Variants in KCNJ14 observed in about 807,000 individuals in gnomAD.
KCNJ14 encodes potassium inwardly rectifying channel subfamily J member 14.
KCNJ14 carries 18 observed loss-of-function variants against 24.5 expected under a neutral mutation model. The ratio of observed to expected loss-of-function variants is 0.74; its 90% confidence interval spans 0.51 to 1.09. KCNJ14 has a LOEUF of 1.09. Among genes scored for constraint, KCNJ14 ranks in the 50% least tolerant of loss-of-function variants. The probability of loss-of-function intolerance (pLI) is 0.00; values close to 1 mark genes in which losing one functional copy is unlikely to be tolerated. For synonymous variants in KCNJ14, 288 were observed against 270.8 expected (o/e 1.06, Z -0.63); for missense variants, 633 against 623.0 (o/e 1.02, Z -0.17).
chr19:48,463,807 T>C (rs932586981), intron 2 of KCNJ14, among the ~76,000 whole-genome samples: 3 of 152,182 alleles, frequency 2.0e-5, no homozygotes, highest in African/African-American at 7.2e-5. Flanking sequence ...TTTCTGTGTC[T>C]CTATGCCAAT....
At position 48,464,364 on chromosome 19, in the gene KCNJ14, G is replaced by A; in HGVS notation, c.898G>A (p.Val300Met). The change falls in exon 3 of 3, where the codon GTG (valine) becomes ATG (methionine). Residue 300 changes from valine (V) to methionine (M), a missense_variant. By Grantham distance (21) the Val-to-Met change is conservative (BLOSUM62 1). Transcript: ENST00000342291. ...AELARADFEL[V>M]VILEGMVEAT... ...GCTGGCCAGGGCTGACTTTGAGCTGGTGGTCATTCTCGAGGGGATGGTTGA... is the reference window on the plus strand; with the variant it reads ...GCTGGCCAGGGCTGACTTTGAGCTGATGGTCATTCTCGAGGGGATGGTTGA... 4.3e-6 allele frequency: 7 copies of A among 1,613,208 alleles called. No homozygotes were observed. The highest frequency in any genetic ancestry group is 5.1e-6 in the Non-Finnish European group (6 of 1,179,620).
In KCNJ14 at chr19:48,462,465, T is replaced by G; in HGVS notation, c.714+27T>G. On this transcript the variant is annotated intron_variant, in intron 2 of 2. Coordinates refer to ENST00000342291, the MANE Select transcript of KCNJ14 (RefSeq NM_013348.4). The surrounding 1 kb of genome is among the most constrained non-coding windows in gnomAD (Gnocchi z 4.9). ...TGCGCCCGGGAGGAGAGGCGGGGAC[T>G]TCCGTGAGCCCTGGGGGATTGTGGG... The G allele has an allele frequency of 2.8e-6, 4 of 1,433,194 alleles. No individual in the cohort carries two copies. The highest frequency in any genetic ancestry group is 3.7e-6 in the Non-Finnish European group (4 of 1,084,182). 88.8% of individuals were successfully genotyped at this position (1,433,194 alleles called of 1,614,324 possible). A position where few individuals can be genotyped will look rare whatever the true frequency, so the allele number is the denominator to read the frequency against.
intron 1 of KCNJ14, among the ~76,000 whole-genome samples, chr19:48,461,019 A>G (rs879718620): frequency 2.0e-5 from 3 of 151,680 alleles, no homozygotes; most frequent in Non-Finnish European, 4.4e-5. Context: ...TAAAAAAAAA[A>G]TTTAAAAAAG....
intron 1 of KCNJ14, among the ~76,000 whole-genome samples, chr19:48,460,643 T>C (rs1202691806): frequency 2.6e-5 from 4 of 152,200 alleles, no homozygotes; most frequent in African/African-American, 9.7e-5. Flanking sequence ...GGTTCAAATA[T>C]GTAAATTCAT....
chr19:48,461,009 T>TA lies in KCNJ14; in HGVS notation c.-55-651dup, dbSNP rs113573784. Among the ~76,000 whole-genome samples the TA allele has an allele frequency of 2.0e-4, 29 of 148,598 alleles. 1 individual carries two copies. The South Asian group carries it at 2.5e-3, about 13-fold the overall frequency. ...TGTCTCTATAATATAAAAATTAAAT[T>TA]AAAAAAAAAATTTAAAAAAGAAGGT... On this transcript the variant is annotated intron_variant, in intron 1 of 2. Transcript: ENST00000342291.
chr19:48,462,290 C>T lies in KCNJ14; in HGVS notation c.566C>T (p.Ala189Val). ...FVVGAVMAKM[A>V]KPKKRNETLV... The stretch of plus-strand genomic sequence containing the variant: ...GTGGGTGCTGTCATGGCCAAGATGG[C>T]CAAACCCAAGAAGCGCAACGAGACG... The change falls in exon 2 of 3, where the codon GCC becomes GTC. Residue 189 changes from alanine (A) to valine (V), a missense_variant. By Grantham distance (64) the Ala-to-Val change is moderately conservative (BLOSUM62 0). Transcript: ENST00000342291. This position sits in a 1 kb window ranked among gnomAD's most constrained non-coding sequence, Gnocchi z 4.9. 1 of 1,548,184 alleles carries T rather than the reference C, an allele frequency of 6.5e-7. No individual in the cohort carries two copies. Among genetic ancestry groups the T allele is most frequent in the African/African-American group, 1.4e-5 (1 of 73,232 alleles).
rs1445054717 is a variant in KCNJ14 at position 48,462,262 on chromosome 19, G to C, written c.538G>C (p.Val180Leu). 6.5e-7 allele frequency: 1 copy of C among 1,547,564 alleles called. No individual in the cohort carries two copies. The highest frequency in any genetic ancestry group is 8.7e-7 in the Non-Finnish European group (1 of 1,144,486). The change falls in exon 2 of 3, where the codon GTC becomes CTC. Residue 180 changes from valine (V) to leucine (L), a missense_variant. By Grantham distance (32) the Val-to-Leu change is conservative. Coordinates refer to ENST00000342291, the MANE Select transcript of KCNJ14 (RefSeq NM_013348.4). This position sits in a 1 kb window ranked among gnomAD's most constrained non-coding sequence, Gnocchi z 4.9. ...TGCCGGCTGCGTGCTCGACGCCTTCGTCGTGGGTGCTGTCATGGCCAAGAT... is the reference window on the plus strand; with the variant it reads ...TGCCGGCTGCGTGCTCGACGCCTTCCTCGTGGGTGCTGTCATGGCCAAGAT... ...CIAGCVLDAF[V>L]VGAVMAKMAK...
At position 48,464,660 on chromosome 19, in the gene KCNJ14, C is replaced by A; in HGVS notation, c.1194C>A (p.Cys398Ter). Residue 398 changes from cysteine to a stop codon, truncating the protein, a stop_gained, in exon 3 of 3, where the codon TGC (cysteine) becomes TGA (stop). Transcript: ENST00000342291. LOFTEE classifies it high-confidence loss of function. ...ATGAGAATGAACTTGCTCTGAGCTG[C>A]TGCCAGGAGGAAGATGAGGACGATG... ...FCYENELALS[C>*]CQEEDEDDET... The A allele has an allele frequency of 3.1e-6, 5 of 1,614,050 alleles. No individual in the cohort carries two copies. Among genetic ancestry groups the A allele is most frequent in the Non-Finnish European group, 4.2e-6 (5 of 1,180,018 alleles).
chr19:48,460,819 A>G (rs2147492724), intron 1 of KCNJ14, among the ~76,000 whole-genome samples: 1 of 152,264 alleles, frequency 6.6e-6, no homozygotes. Context: ...GTTGTTGTAC[A>G]AGTATCTTCT....
chr19:48,457,551 G>A (rs1237799192), intron 1 of KCNJ14, among the ~76,000 whole-genome samples: 2 of 152,122 alleles, frequency 1.3e-5, no homozygotes, highest in Admixed American at 6.5e-5. Context: ...TCAGAGGGTC[G>A]GGCATGAGGC....
At chr19:48,461,091 C>G (rs1013439034) in intron 1 of KCNJ14, among the ~76,000 whole-genome samples, 1 of 152,066 alleles carries the variant, frequency 6.6e-6, no homozygotes, top group Non-Finnish European at 1.5e-5. Context: ...GAGGCCAAAG[C>G]AGGCGGATCA....
Position 48,464,713 on chromosome 19 carries a change from C to G in KCNJ14, c.1247C>G (p.Thr416Arg). The G allele has an allele frequency of 6.2e-7, 1 of 1,612,928 alleles. No individual in the cohort carries two copies. ...ACTGAGGAAGGGAATGGGGTGGAAA[C>G]AGAAGATGGGGCTGCTAGCCCCCGA... is the stretch of plus-strand genomic sequence containing the variant. ...DETEEGNGVETEDGAASPRVL... is the reference protein window; with the variant it reads ...DETEEGNGVEREDGAASPRVL... The change falls in exon 3 of 3, where the codon ACA becomes AGA. Residue 416 changes from threonine to arginine, a missense_variant. By Grantham distance (71) the Thr-to-Arg change is moderately conservative. Transcript: ENST00000342291.
rs1046922324 is a variant in KCNJ14 at position 48,464,520 on chromosome 19, A to G, written c.1054A>G (p.Thr352Ala). The G allele has an allele frequency of 3.1e-6, 5 of 1,613,966 alleles. No homozygotes were observed. Among genetic ancestry groups the G allele is most frequent in the Non-Finnish European group, 4.2e-6 (5 of 1,180,006 alleles). The part of the protein sequence containing the change: ...YEVDYRHFHR[T>A]YEVPGTPVCS... ...GGTCGACTATCGCCACTTCCATCGCACTTATGAGGTCCCAGGGACACCGGT... is the reference window on the plus strand; with the variant it reads ...GGTCGACTATCGCCACTTCCATCGCGCTTATGAGGTCCCAGGGACACCGGT... Residue 352 changes from threonine to alanine, a missense_variant, in exon 3 of 3, where the codon ACT (threonine) becomes GCT (alanine). Thr to Ala is a moderately conservative substitution (Grantham distance 58, BLOSUM62 0). Transcript: ENST00000342291.
intron 1 of KCNJ14, among the ~76,000 whole-genome samples, chr19:48,457,968 G>A (rs763528347): frequency 3.3e-5 from 5 of 152,124 alleles, no homozygotes; most frequent in Non-Finnish European, 7.4e-5. Flanking sequence ...TTACAGGTGC[G>A]AGCCACCGCA....
In KCNJ14 at chr19:48,464,838, A is replaced by G. The variant is rs1971640981; in HGVS notation, c.*61A>G. The G allele has an allele frequency of 8.0e-7, 1 of 1,256,606 alleles. No homozygotes were observed. The highest frequency in any genetic ancestry group is 1.1e-6 in the Non-Finnish European group (1 of 881,764). 77.8% of individuals were successfully genotyped at this position (1,256,606 alleles called of 1,614,324 possible). On this transcript the variant is annotated 3_prime_UTR_variant, in exon 3 of 3. Coordinates refer to ENST00000342291, the MANE Select transcript of KCNJ14 (RefSeq NM_013348.4). ...TTCCCCAAGGTAGCAAGATGGAGGG[A>G]TGGGGCTCTCTCCTGGGATGGGGGC...
intron 2 of KCNJ14, among the ~76,000 whole-genome samples, chr19:48,463,848 C>T (rs1971627286): frequency 6.6e-6 from 1 of 152,038 alleles, no homozygotes; most frequent in Non-Finnish European, 1.5e-5. Context: ...TCTTCCCCCA[C>T]CACGCCCCTC....
chr19:48,460,736 G>T (rs914584138), intron 1 of KCNJ14, among the ~76,000 whole-genome samples: 3 of 152,208 alleles, frequency 2.0e-5, no homozygotes, highest in African/African-American at 7.2e-5. Flanking sequence ...CATAGATTTA[G>T]CACTGTATAA....
rs140584783 is a variant in KCNJ14, at chr19:48,458,615, G to A, written c.-56+2757G>A. ...AATAGAGACGGGATTTTGCCATGTT[G>A]GCCAGGCTGGTCTCAAACTCCTGAG... On this transcript the variant is annotated intron_variant, in intron 1 of 2. Coordinates refer to ENST00000342291, the MANE Select transcript of KCNJ14 (RefSeq NM_013348.4). Among the ~76,000 whole-genome samples, 339 of 152,164 alleles carry A rather than the reference G, an allele frequency of 2.2e-3. 2 individuals are homozygous for A. Among genetic ancestry groups the A allele is most frequent in the East Asian group, 3.7e-3 (19 of 5,168 alleles).
chr19:48,459,060 G>A (rs1334368646), intron 1 of KCNJ14, among the ~76,000 whole-genome samples: 1 of 151,142 alleles, frequency 6.6e-6, no homozygotes, highest in South Asian at 2.1e-4. Flanking sequence ...CTAACATGGT[G>A]AAACCCCGTC....
Sources: gnomAD v4.1 joint callset for allele counts (sites outside exome capture counted in the v4.1 genomes callset) on GRCh38, gnomAD v4.1.1 for gene constraint, Gnocchi (gnomAD v3.1) non-coding constraint, MANE v1.5 for transcripts, NCBI Gene and HGNC (gene_info 2026-07-23, HGNC 2026-07-21) for gene names.